The following ANXA8 variants were observed in gnomAD, a reference collection of about 807,000 sequenced individuals.
ANXA8 encodes the protein VAC-beta.
Under a neutral mutation model 26.8 loss-of-function variants are expected in ANXA8, and 9 were observed. That is an observed-to-expected ratio of 0.34 (90% CI 0.20 to 0.59). ANXA8 has a LOEUF of 0.59. ANXA8 is among the 20% of genes least tolerant of loss of function. The pLI, the probability that ANXA8 is intolerant of heterozygous loss-of-function variation, is 0.84. For synonymous variants in ANXA8, 39 were observed against 94.8 expected (o/e 0.41, Z 3.42); for missense variants, 83 against 238.5 (o/e 0.35, Z 4.29).
the ANXA8 span, among the ~76,000 whole-genome samples, chr10:47,979,494 G>T: frequency 7.9e-5 from 12 of 151,566 alleles, no homozygotes; most frequent in African/African-American, 2.9e-4. Context: ...GGGCTTTGCA[G>T]ATATGATTAA....
At chr10:47,475,026 C>T in intron 6 of ANXA8, 22 bp from the exon 7 acceptor site, 2 of 1,534,278 alleles carry the variant, frequency 1.3e-6, no homozygotes, top group South Asian at 2.3e-5. Context: ...GGAGGTGGCT[C>T]TGTAAGGCAG....
the ANXA8 span, chr10:47,715,951 A>C: frequency 2.2e-5 from 23 of 1,051,666 alleles, no homozygotes; most frequent in African/African-American, 4.0e-5. Context: ...TGGTGTGAAC[A>C]CAGCTCACTG....
chr10:47,621,656 G>A, the ANXA8 span, among the ~76,000 whole-genome samples: 2 of 105,824 alleles, frequency 1.9e-5, 1 homozygote, highest in Non-Finnish European at 4.1e-5. Flanking sequence ...TTTTGTTCTA[G>A]TGTTTATTGA....
the ANXA8 span, among the ~76,000 whole-genome samples, chr10:47,668,243 C>T: frequency 6.6e-6 from 1 of 151,152 alleles, no homozygotes; most frequent in Non-Finnish European, 1.5e-5. Context: ...ATAAATTTTC[C>T]TAAGTTTAAT....
the ANXA8 span, among the ~76,000 whole-genome samples, chr10:47,655,719 T>C: frequency 6.6e-6 from 1 of 152,102 alleles, no homozygotes; most frequent in African/African-American, 2.4e-5. Context: ...GAGAGTGTCA[T>C]CTGTTAGAAC....
the ANXA8 span, among the ~76,000 whole-genome samples, chr10:47,724,125 C>T: frequency 7.4e-6 from 1 of 134,682 alleles, no homozygotes; most frequent in Non-Finnish European, 1.6e-5. Context: ...CATTATGTAC[C>T]ATATCCCACA....
chr10:47,744,438 A>AAGGGGGGGGTGGGGGGGGGGGGGGG, the ANXA8 span, among the ~76,000 whole-genome samples: 1 of 15,062 alleles, frequency 6.6e-5, no homozygotes, highest in Non-Finnish European at 1.1e-4. Flanking sequence ...GGGAGGGGGG[A>AAGGGGGGGGTGGGGGGGGGGGGGGG]AGAGGGGGGG....
the ANXA8 span, among the ~76,000 whole-genome samples, chr10:47,667,124 G>A: frequency 6.6e-6 from 1 of 151,970 alleles, no homozygotes; most frequent in African/African-American, 2.4e-5. Flanking sequence ...AATCATCCTT[G>A]GAATTCTCTT....
At chr10:47,484,799 C>T (rs1839998842), upstream of ANXA8, 1 of 518,170 alleles carries the variant, frequency 1.9e-6, no homozygotes, top group Non-Finnish European at 3.3e-6. Flanking sequence ...AGTTGGCTTG[C>T]TCCCTGGGGC....
the ANXA8 span, among the ~76,000 whole-genome samples, chr10:47,769,090 AG>A: frequency 6.9e-6 from 1 of 144,524 alleles, no homozygotes; most frequent in African/African-American, 2.7e-5. Context: ...AGTGGAAGGA[AG>A]TAGGAGGTGA....
the ANXA8 span, among the ~76,000 whole-genome samples, chr10:47,616,482 A>G: frequency 3.7e-5 from 2 of 54,784 alleles, 1 homozygote; most frequent in Non-Finnish European, 8.9e-5. Context: ...GGGAAGAAGA[A>G]TCTGGCATCT....
At chr10:47,679,042 CAAAAAAA>C in the ANXA8 span, among the ~76,000 whole-genome samples, 9 of 65,136 alleles carry the variant, frequency 1.4e-4, no homozygotes, top group African/African-American at 5.6e-4. Context: ...GAACCTATCT[CAAAAAAA>C]AAAAAAAAAA....
chr10:47,667,439 C>T, the ANXA8 span, among the ~76,000 whole-genome samples: 21 of 152,026 alleles, frequency 1.4e-4, no homozygotes, highest in Admixed American at 2.6e-4. Context: ...GTAAATGATA[C>T]GCTTTAATAT....
At chr10:47,669,453 T>A in the ANXA8 span, among the ~76,000 whole-genome samples, 1 of 151,372 alleles carries the variant, frequency 6.6e-6, no homozygotes, top group Non-Finnish European at 1.5e-5. Flanking sequence ...GCGTGGTGGC[T>A]CAGGCCTGTA....
the ANXA8 span, among the ~76,000 whole-genome samples, chr10:47,647,582 T>G: frequency 6.7e-6 from 1 of 149,224 alleles, no homozygotes; most frequent in South Asian, 2.1e-4. Flanking sequence ...CAATTCACTT[T>G]CCAGGAGAAA....
the ANXA8 span, among the ~76,000 whole-genome samples, chr10:47,708,057 AG>A: frequency 2.9e-5 from 4 of 140,080 alleles, no homozygotes; most frequent in Non-Finnish European, 6.3e-5. Context: ...GAATGAAATC[AG>A]GATGGTGCGG....
chr10:47,660,480 A>C, the ANXA8 span, among the ~76,000 whole-genome samples: 2 of 150,646 alleles, frequency 1.3e-5, no homozygotes, highest in African/African-American at 4.9e-5. Context: ...GGCTCACTGC[A>C]TCCTCTGCCT....
At chr10:47,950,545 G>A in the ANXA8 span, among the ~76,000 whole-genome samples, 1 of 150,434 alleles carries the variant, frequency 6.6e-6, no homozygotes, top group East Asian at 2.0e-4. Context: ...GTTTCCAACT[G>A]AACACAAAAC....
the ANXA8 span, among the ~76,000 whole-genome samples, chr10:47,648,182 G>GA: frequency 6.6e-6 from 1 of 150,948 alleles, no homozygotes. Flanking sequence ...AAACAAACAG[G>GA]AAAAGGAGAT....
Sources: allele counts gnomAD v4.1 joint callset (sites outside exome capture counted in the v4.1 genomes callset), GRCh38; gene constraint gnomAD v4.1.1; transcripts MANE v1.5; gene names NCBI Gene and HGNC (gene_info 2026-07-23, HGNC 2026-07-21).